AUTS2: variants seen among roughly 807,000 people sequenced by gnomAD.
AUTS2 encodes the protein autism susceptibility gene 2 protein.
AUTS2 carries 17 observed loss-of-function variants against 112.4 expected under a neutral mutation model. The ratio of observed to expected loss-of-function variants is 0.15; its 90% CI spans 0.10 to 0.23. AUTS2 has a LOEUF of 0.23. Ranked by LOEUF, AUTS2 falls within the 10% of genes least tolerant of loss-of-function variation. The pLI, the probability that AUTS2 is intolerant of heterozygous loss-of-function variation, is 1.00. For missense variants in AUTS2, 1,510 were observed against 1,701.6 expected, an observed-to-expected ratio of 0.89 and a Z score of 1.98; for synonymous variants, 751 against 702.7, an observed-to-expected ratio of 1.07 and a Z score of -1.09.
chr7:69,779,048 TTTAA>T (rs1363532690), intron 1 of AUTS2, among the ~76,000 whole-genome samples: 2 of 134,744 alleles, frequency 1.5e-5, no homozygotes, highest in African/African-American at 5.9e-5. Context: ...CCTTTTTTTT[TTTAA>T]AAAAAAAAAA....
rs764683823 is a variant in AUTS2, at chr7:70,790,035, C to T, written c.2819C>T (p.Pro940Leu). The change falls in exon 19 of 19, where the codon CCG becomes CTG. Residue 940 changes from proline (P) to leucine (L), a missense_variant. Transcript: ENST00000342771. The surrounding 1 kb of genome is among the most constrained non-coding windows in gnomAD (Gnocchi z 7.6). ...GEEAKQLARVPSPYVRTPVVE... is the reference protein window; with the variant it reads ...GEEAKQLARVLSPYVRTPVVE... ...GAGGCCAAGCAGCTGGCCCGGGTGC[C>T]GTCTCCCTACGTGCGGACCCCGGTG... 8.8e-6 allele frequency: 14 copies of T among 1,582,304 alleles called. No homozygotes were observed. Among genetic ancestry groups the T allele is most frequent in the South Asian group, 1.1e-5 (1 of 87,574 alleles).
rs148173475 is a variant in AUTS2 at position 70,613,323 on chromosome 7, G to A, written c.691-85246G>A. On this transcript the variant is annotated intron_variant, in intron 5 of 18. Coordinates refer to ENST00000342771, the MANE Select transcript of AUTS2 (RefSeq NM_015570.4). ...TTCTAGATTGAGCCACTGAAATCAAGGCTGTAGAGACATTTCCACTGAGAA... is the reference window on the plus strand; with the variant it reads ...TTCTAGATTGAGCCACTGAAATCAAAGCTGTAGAGACATTTCCACTGAGAA... 3.6e-3 allele frequency among the ~76,000 whole-genome samples: 554 copies of A among 152,140 alleles called. 4 individuals carry two copies. Among genetic ancestry groups the A allele is most frequent in the African/African-American group, 0.013 (532 of 41,488 alleles).
intron 1 of AUTS2, among the ~76,000 whole-genome samples, chr7:69,644,209 G>A (rs1794920942): frequency 6.6e-6 from 1 of 152,198 alleles, no homozygotes; most frequent in Non-Finnish European, 1.5e-5. Context: ...AAGCACAAAG[G>A]TTGCCAGATA....
At chr7:69,614,460 C>T (rs1793255701) in intron 1 of AUTS2, among the ~76,000 whole-genome samples, 1 of 151,610 alleles carries the variant, frequency 6.6e-6, no homozygotes, top group Non-Finnish European at 1.5e-5. Context: ...CTCAAGCGAT[C>T]CTCCTGCTGC....
intron 2 of AUTS2, among the ~76,000 whole-genome samples, chr7:70,030,148 C>T (rs1800708856): frequency 6.6e-6 from 1 of 152,192 alleles, no homozygotes; most frequent in Admixed American, 6.5e-5. Flanking sequence ...GGCCCAAATA[C>T]ACCAGGAATC....
At chr7:69,962,753 C>G (rs568607955) in intron 2 of AUTS2, among the ~76,000 whole-genome samples, 1 of 151,938 alleles carries the variant, frequency 6.6e-6, no homozygotes, top group East Asian at 1.9e-4. Flanking sequence ...GCATAAATGC[C>G]TGTGTGCTTG....
At chr7:70,536,638 C>T (rs546703357) in intron 5 of AUTS2, among the ~76,000 whole-genome samples, 3 of 138,710 alleles carry the variant, frequency 2.2e-5, no homozygotes, top group Non-Finnish European at 3.0e-5. Context: ...CAGTGGCTCA[C>T]GCCTGTAATC....
rs193209872 is a variant in AUTS2, at chr7:69,893,895, G to A, written c.310-5391G>A. ...TCTCATTTTGAAATTCAAGAGTGGC[G>A]AGGAGGCCTTTGGTGGAAGATTGTA... On this transcript the variant is annotated intron_variant, in intron 1 of 18. Transcript: ENST00000342771. 1.1e-4 allele frequency among the ~76,000 whole-genome samples: 17 copies of A among 152,256 alleles called. No homozygotes were observed. In the East Asian group the frequency reaches 2.9e-3, roughly 26 times the overall value.
intron 5 of AUTS2, among the ~76,000 whole-genome samples, chr7:70,486,906 C>CT (rs540573679): frequency 2.5e-5 from 3 of 118,826 alleles, no homozygotes; most frequent in African/African-American, 3.6e-5. Flanking sequence ...TTCCCCCCCC[C>CT]CCAAAAAAAA....
intron 2 of AUTS2, among the ~76,000 whole-genome samples, chr7:69,979,075 C>T (rs1421832106): frequency 1.3e-5 from 2 of 152,094 alleles, no homozygotes; most frequent in Non-Finnish European, 2.9e-5. Context: ...ATGATGACTG[C>T]ATGTAAACTG....
chr7:70,223,766 T>A (rs1332881508), intron 4 of AUTS2, among the ~76,000 whole-genome samples: 1 of 152,068 alleles, frequency 6.6e-6, no homozygotes, highest in Non-Finnish European at 1.5e-5. Flanking sequence ...GACCTTGCAG[T>A]GTGACAAGAT....
intron 4 of AUTS2, among the ~76,000 whole-genome samples, chr7:70,196,140 T>A (rs1378612759): frequency 6.6e-6 from 1 of 152,208 alleles, no homozygotes; most frequent in Non-Finnish European, 1.5e-5. Context: ...AGGTCTGATC[T>A]GTTTGGGGAA....
rs116455116 is a variant in AUTS2 at position 70,663,665 on chromosome 7, C to T, written c.691-34904C>T. On this transcript the variant is annotated intron_variant, in intron 5 of 18. Transcript: ENST00000342771. ...TGACACTTAGCACCTCTGCCATTGC[C>T]AAGAACTAGTCATGTGACCTTAACT... is the stretch of plus-strand genomic sequence containing the variant. Among the ~76,000 whole-genome samples the T allele has an allele frequency of 5.1e-3, 781 of 151,998 alleles. 7 individuals are homozygous for T. The highest frequency in any genetic ancestry group is 0.018 in the African/African-American group (732 of 41,446).
chr7:69,867,856 A>G (rs891063760), intron 1 of AUTS2, among the ~76,000 whole-genome samples: 1 of 152,178 alleles, frequency 6.6e-6, no homozygotes, highest in African/African-American at 2.4e-5. Flanking sequence ...ATTAGCAAAT[A>G]AAAATACAGG....
At chr7:70,170,344 G>T (rs1367573120) in intron 4 of AUTS2, among the ~76,000 whole-genome samples, 1 of 151,818 alleles carries the variant, frequency 6.6e-6, no homozygotes, top group Non-Finnish European at 1.5e-5. Context: ...TAGTGTTGGG[G>T]CTTCACCGTG....
intron 1 of AUTS2, among the ~76,000 whole-genome samples, chr7:69,646,449 C>G (rs1229453845): frequency 6.6e-6 from 1 of 152,158 alleles, no homozygotes; most frequent in African/African-American, 2.4e-5. Context: ...CTAAGTATGT[C>G]TGTGTGGATT....
chr7:70,665,070 C>G (rs948342579), intron 5 of AUTS2, among the ~76,000 whole-genome samples: 3 of 151,966 alleles, frequency 2.0e-5, no homozygotes, highest in Non-Finnish European at 4.4e-5. Context: ...GAGACCCTGT[C>G]TCAAAAGAAA....
chr7:70,243,641 C>T (rs1467539175), intron 4 of AUTS2, among the ~76,000 whole-genome samples: 1 of 151,228 alleles, frequency 6.6e-6, no homozygotes, highest in Non-Finnish European at 1.5e-5. Context: ...CCCAACTCTG[C>T]GATAATGTGT....
intron 4 of AUTS2, among the ~76,000 whole-genome samples, chr7:70,149,737 G>A (rs181518008): frequency 6.6e-6 from 1 of 152,008 alleles, no homozygotes; most frequent in Non-Finnish European, 1.5e-5. Context: ...TAGAAATGGT[G>A]TAACTATCCA....
Sources: gnomAD v4.1 joint callset for allele counts (sites outside exome capture counted in the v4.1 genomes callset) on GRCh38, gnomAD v4.1.1 for gene constraint, Gnocchi (gnomAD v3.1) non-coding constraint, MANE v1.5 for transcripts, NCBI Gene and HGNC (gene_info 2026-07-23, HGNC 2026-07-21) for gene names.